The following GPC6 variants were observed in gnomAD, a reference collection of about 807,000 sequenced individuals.
GPC6 encodes the protein glypican-6.
GPC6 carries 14 observed loss-of-function variants against 55.2 expected under a neutral mutation model. That is an observed-to-expected ratio of 0.25 (90% CI 0.17 to 0.40). The LOEUF (loss-of-function observed/expected upper bound fraction) is 0.40. GPC6 is among the 10% of genes least tolerant of loss of function. The probability of loss-of-function intolerance (pLI) is 1.00; values close to 1 mark genes in which losing one functional copy is unlikely to be tolerated. For synonymous variants in GPC6, 278 were observed against 259.6 expected (o/e 1.07, Z -0.68); for missense variants, 641 against 708.5 (o/e 0.90, Z 1.08).
intron 2 of GPC6, among the ~76,000 whole-genome samples, chr13:93,726,001 A>G (rs932845943): frequency 6.6e-6 from 1 of 151,960 alleles, no homozygotes; most frequent in Non-Finnish European, 1.5e-5. Context: ...GTAGTGGCCC[A>G]ATTAAAGTTC....
At chr13:93,554,078 A>G (rs1406327456) in intron 2 of GPC6, among the ~76,000 whole-genome samples, 1 of 150,946 alleles carries the variant, frequency 6.6e-6, no homozygotes, top group African/African-American at 2.4e-5. Flanking sequence ...AACCCAGAAG[A>G]TGGAGGTTGC....
intron 3 of GPC6, among the ~76,000 whole-genome samples, chr13:93,898,099 T>C (rs954236587): frequency 6.6e-6 from 1 of 152,162 alleles, no homozygotes. Flanking sequence ...CTGTCTTTCT[T>C]GACCTCTACA....
At chr13:93,487,947 CAT>C (rs963888327) in intron 1 of GPC6, among the ~76,000 whole-genome samples, 1 of 152,174 alleles carries the variant, frequency 6.6e-6, no homozygotes, top group East Asian at 1.9e-4. Flanking sequence ...AAATCTATAA[CAT>C]ATATATTATT....
chr13:94,270,992 T>A (rs1891981701), intron 4 of GPC6, among the ~76,000 whole-genome samples: 1 of 122,422 alleles, frequency 8.2e-6, no homozygotes, highest in African/African-American at 3.1e-5. Context: ...TTTTTTTTTT[T>A]TTTTTTTTTT....
chr13:93,689,496 C>T (rs1051090257), intron 2 of GPC6, among the ~76,000 whole-genome samples: 3 of 152,044 alleles, frequency 2.0e-5, no homozygotes, highest in Non-Finnish European at 4.4e-5. Flanking sequence ...GGCACACAGA[C>T]TCAGACTTGA....
chr13:94,063,263 G>T (rs1214120822), intron 4 of GPC6, among the ~76,000 whole-genome samples: 1 of 152,166 alleles, frequency 6.6e-6, no homozygotes, highest in East Asian at 1.9e-4. Flanking sequence ...GCTTGACTCT[G>T]CCTGAGGAAG....
chr13:93,224,559 C>T (rs903088983), upstream of GPC6, among the ~76,000 whole-genome samples: 4 of 152,170 alleles, frequency 2.6e-5, no homozygotes, highest in Non-Finnish European at 4.4e-5. Context: ...AAGATGAATA[C>T]TACAGCTAGG....
intron 2 of GPC6, among the ~76,000 whole-genome samples, chr13:93,551,554 A>G (rs114337145): frequency 0.014 from 2,194 of 152,292 alleles, 41 homozygotes; most frequent in African/African-American, 0.049. Context: ...CGACAGGTGG[A>G]GGCAGAATGC....
intron 1 of GPC6, among the ~76,000 whole-genome samples, chr13:93,365,977 A>C (rs760055602): frequency 8.5e-5 from 13 of 152,086 alleles, no homozygotes; most frequent in Non-Finnish European, 1.5e-4. Context: ...TTTTAGTTTC[A>C]TAGTCATATT....
intron 2 of GPC6, among the ~76,000 whole-genome samples, chr13:93,630,198 G>A (rs970455596): frequency 6.6e-6 from 1 of 152,144 alleles, no homozygotes; most frequent in Non-Finnish European, 1.5e-5. Context: ...AAGAGACTTA[G>A]TATTAGGCAT....
chr13:94,319,878 T>G (rs1034770620), intron 6 of GPC6, among the ~76,000 whole-genome samples: 1 of 152,194 alleles, frequency 6.6e-6, no homozygotes, highest in Non-Finnish European at 1.5e-5. Flanking sequence ...TTGCTTAGGA[T>G]GTATTGGGCT....
chr13:93,817,343 T>G (rs1040589325), intron 2 of GPC6, among the ~76,000 whole-genome samples: 2 of 151,314 alleles, frequency 1.3e-5, no homozygotes, highest in Non-Finnish European at 3.0e-5. Context: ...CAGTGTAGAT[T>G]TATCCTTCTT....
At chr13:93,588,488 C>T (rs1877311219) in intron 2 of GPC6, among the ~76,000 whole-genome samples, 2 of 151,872 alleles carry the variant, frequency 1.3e-5, no homozygotes, top group African/African-American at 4.8e-5. Context: ...TTATATAAAC[C>T]TACCTTCCTG....
At chr13:93,620,815 T>A (rs1440598278) in intron 2 of GPC6, among the ~76,000 whole-genome samples, 2 of 152,220 alleles carry the variant, frequency 1.3e-5, no homozygotes, top group African/African-American at 4.8e-5. Context: ...AATTAACCAG[T>A]CTCCCCATTC....
chr13:93,430,926 G>T (rs966680075), intron 1 of GPC6, among the ~76,000 whole-genome samples: 8 of 152,140 alleles, frequency 5.3e-5, no homozygotes, highest in African/African-American at 1.9e-4. Context: ...TCTCAGACTG[G>T]TTAAAGTGAA....
chr13:93,882,134 T>G (rs1875024560), intron 3 of GPC6, among the ~76,000 whole-genome samples: 3 of 151,774 alleles, frequency 2.0e-5, no homozygotes, highest in Admixed American at 2.0e-4. Flanking sequence ...ATTTATATTT[T>G]TGTTTTTGTT....
intron 2 of GPC6, among the ~76,000 whole-genome samples, chr13:93,765,307 T>TTTCCAGATAAGCTGTCTGGAAAGACAACA (rs1885090817): frequency 6.6e-6 from 1 of 152,070 alleles, no homozygotes; most frequent in African/African-American, 2.4e-5. Context: ...GAAAGACAAC[T>TTTCCAGATAAGCTGTCTGGAAAGACAACA]TATTTGGTTT....
chr13:93,724,936 A>C (rs1883581223), intron 2 of GPC6, among the ~76,000 whole-genome samples: 1 of 152,038 alleles, frequency 6.6e-6, no homozygotes, highest in Non-Finnish European at 1.5e-5. Flanking sequence ...CATGGATTTA[A>C]GGTGCTATAG....
chr13:93,573,039 G>C (rs936992475), intron 2 of GPC6, among the ~76,000 whole-genome samples: 1 of 152,014 alleles, frequency 6.6e-6, no homozygotes. Context: ...AGTATTTCAA[G>C]TCATAATAGC....
Sources: gnomAD v4.1 joint callset for allele counts (sites outside exome capture counted in the v4.1 genomes callset) on GRCh38, gnomAD v4.1.1 for gene constraint, MANE v1.5 for transcripts, NCBI Gene and HGNC (gene_info 2026-07-23, HGNC 2026-07-21) for gene names.